The following EHBP1 variants were observed in gnomAD, a reference collection of about 807,000 sequenced individuals.
The protein encoded by EHBP1 is EH domain-binding protein 1.
EHBP1 carries 55 observed loss-of-function variants against 144.0 expected under a neutral mutation model. That is an observed-to-expected ratio of 0.38 (90% CI 0.31 to 0.48). The LOEUF is 0.48. Among genes scored for constraint, EHBP1 ranks in the 20% least tolerant of loss-of-function variants. EHBP1 has a pLI of 0.98. For synonymous variants in EHBP1, 469 were observed against 472.7 expected (o/e 0.99, Z 0.10); for missense variants, 1,200 against 1,364.2 (o/e 0.88, Z 1.90).
At chr2:62,987,839 T>C (rs1444625651) in intron 15 of EHBP1, 4 of 669,398 alleles carry the variant, frequency 6.0e-6, no homozygotes, top group African/African-American at 1.9e-5. Flanking sequence ...TGAATAACTA[T>C]ACTAAAATAC....
chr2:62,887,714 C>G (rs2052061128), intron 10 of EHBP1, among the ~76,000 whole-genome samples: 1 of 152,050 alleles, frequency 6.6e-6, no homozygotes, highest in South Asian at 2.1e-4. Context: ...AGAGATGCAG[C>G]AAGATCCCAT....
At position 62,794,056 on chromosome 2, in the gene EHBP1, T is replaced by G. The variant is rs867877605; in HGVS notation, c.312+22664T>G. On this transcript the variant is annotated intron_variant, in intron 5 of 22. Transcript: ENST00000431489. ...GTTTAACTCTTTCTTTATAAGTTGTTGTCTTCGCAATTTAAGAATAAAACA... is the reference window on the plus strand; with the variant it reads ...GTTTAACTCTTTCTTTATAAGTTGTGGTCTTCGCAATTTAAGAATAAAACA... 5.9e-5 allele frequency among the ~76,000 whole-genome samples: 9 copies of G among 152,152 alleles called. No homozygotes were observed. In the South Asian group the frequency reaches 1.4e-3, roughly 25 times the overall value.
At chr2:62,950,268 CATA>C (rs1256051337) in intron 13 of EHBP1, among the ~76,000 whole-genome samples, 1 of 152,084 alleles carries the variant, frequency 6.6e-6, no homozygotes, top group Non-Finnish European at 1.5e-5. Context: ...AAGCTATTTT[CATA>C]ATAATACTAG....
chr2:62,793,651 A>G (rs1269371552), intron 5 of EHBP1, among the ~76,000 whole-genome samples: 1 of 152,108 alleles, frequency 6.6e-6, no homozygotes, highest in Non-Finnish European at 1.5e-5. Context: ...TGGTCTTATT[A>G]CCTTTCAGGA....
chr2:62,934,949 A>C (rs752031824), intron 10 of EHBP1, among the ~76,000 whole-genome samples: 1 of 152,184 alleles, frequency 6.6e-6, no homozygotes, highest in Non-Finnish European at 1.5e-5. Context: ...GAAAGAGTTT[A>C]GTTAACCCTT....
intron 1 of EHBP1, among the ~76,000 whole-genome samples, chr2:62,687,045 CA>C (rs554558063): frequency 1.3e-5 from 2 of 152,192 alleles, no homozygotes; most frequent in Non-Finnish European, 2.9e-5. Flanking sequence ...ACTGCCAACC[CA>C]AAGTCTACGC....
At chr2:62,839,110 G>A (rs1239416395) in intron 7 of EHBP1, among the ~76,000 whole-genome samples, 10 of 148,034 alleles carry the variant, frequency 6.8e-5, no homozygotes, top group South Asian at 2.2e-4. Context: ...CTGGCAAACC[G>A]AATCCAGCAG....
chr2:62,840,869 G>A (rs1012679795), intron 7 of EHBP1, among the ~76,000 whole-genome samples: 13 of 152,014 alleles, frequency 8.6e-5, no homozygotes, highest in African/African-American at 3.1e-4. Flanking sequence ...TGGAGAAATA[G>A]GAACACTTTT....
intron 10 of EHBP1, among the ~76,000 whole-genome samples, chr2:62,884,740 C>T (rs2051774678): frequency 1.3e-5 from 2 of 152,138 alleles, no homozygotes; most frequent in Non-Finnish European, 2.9e-5. Flanking sequence ...GAAAGTAGTA[C>T]AGGACTTACT....
chr2:62,871,218 C>G (rs2050453448), intron 9 of EHBP1, among the ~76,000 whole-genome samples: 1 of 152,156 alleles, frequency 6.6e-6, no homozygotes, highest in Admixed American at 6.5e-5. Context: ...ACACAACACA[C>G]TCACACCTGC....
At chr2:62,796,241 G>A (rs924155246) in intron 5 of EHBP1, among the ~76,000 whole-genome samples, 2 of 151,926 alleles carry the variant, frequency 1.3e-5, no homozygotes, top group Non-Finnish European at 2.9e-5. Flanking sequence ...TTGGGACTCT[G>A]CCTAGAAATA....
upstream of EHBP1, among the ~76,000 whole-genome samples, chr2:62,705,096 G>T (rs952934705): frequency 2.0e-5 from 3 of 152,178 alleles, no homozygotes; most frequent in Non-Finnish European, 2.9e-5. Flanking sequence ...GTTGGGCGGG[G>T]AGCGGCCGGG....
intron 9 of EHBP1, among the ~76,000 whole-genome samples, chr2:62,872,783 A>G (rs2050590690): frequency 6.6e-6 from 1 of 152,146 alleles, no homozygotes; most frequent in Admixed American, 6.6e-5. Flanking sequence ...TCTGGCTACA[A>G]CTAATCTACT....
At chr2:63,023,949 TAA>T (rs2060864727) in intron 19 of EHBP1, among the ~76,000 whole-genome samples, 1 of 152,208 alleles carries the variant, frequency 6.6e-6, no homozygotes, top group African/African-American at 2.4e-5. Flanking sequence ...ATTGAATTTT[TAA>T]AAGTCATAAA....
chr2:62,706,863 T>G (rs1212097498), intron 1 of EHBP1, 34 bp from the exon 2 acceptor site: 2 of 245,338 alleles, frequency 8.2e-6, no homozygotes, highest in Admixed American at 1.0e-4. Context: ...TCTCCTCATA[T>G]TCTTTCTCTT....
intron 12 of EHBP1, among the ~76,000 whole-genome samples, chr2:62,947,058 A>G (rs1160659316): frequency 6.6e-6 from 1 of 152,190 alleles, no homozygotes; most frequent in Non-Finnish European, 1.5e-5. Context: ...CTGTCAGTCA[A>G]GTTGTCAAGA....
intron 19 of EHBP1, among the ~76,000 whole-genome samples, chr2:63,022,054 C>T (rs752848830): frequency 4.6e-5 from 7 of 152,136 alleles, no homozygotes; most frequent in Admixed American, 3.3e-4. Flanking sequence ...GAGTGAGCCA[C>T]CGCGCCCGGC....
At chr2:62,864,238 G>C (rs1393727633) in intron 8 of EHBP1, among the ~76,000 whole-genome samples, 1 of 152,110 alleles carries the variant, frequency 6.6e-6, no homozygotes, top group East Asian at 1.9e-4. Flanking sequence ...TTGAACTCTT[G>C]GGTTCCAGCC....
chr2:62,729,798 A>G (rs1017066879), intron 2 of EHBP1, among the ~76,000 whole-genome samples: 3 of 151,740 alleles, frequency 2.0e-5, no homozygotes, highest in Admixed American at 2.0e-4. Flanking sequence ...GGTTTTACCA[A>G]TTTACCTTCC....
Sources: gnomAD v4.1 joint callset for allele counts (sites outside exome capture counted in the v4.1 genomes callset) on GRCh38, gnomAD v4.1.1 for gene constraint, MANE v1.5 for transcripts, NCBI Gene and HGNC (gene_info 2026-07-23, HGNC 2026-07-21) for gene names.